Variants in MAGI1 observed in about 807,000 individuals in gnomAD.
MAGI1 encodes membrane associated guanylate kinase, WW and PDZ domain containing 1.
MAGI1 carries 58 observed loss-of-function variants against 139.9 expected under a neutral mutation model. The observed-to-expected ratio is 0.41, with a 90% CI of 0.34 to 0.52. MAGI1 has a LOEUF of 0.52. Among genes scored for constraint, MAGI1 ranks in the 20% least tolerant of loss-of-function variants. The pLI is 0.12. For synonymous variants in MAGI1, 812 were observed against 737.9 expected, an observed-to-expected ratio of 1.10 and a Z score of -1.63; for missense variants, 1,874 against 1,901.6, an observed-to-expected ratio of 0.99 and a Z score of 0.27.
chr3:65,801,143 G>A (rs1401998874), intron 1 of MAGI1, among the ~76,000 whole-genome samples: 2 of 152,126 alleles, frequency 1.3e-5, no homozygotes, highest in Non-Finnish European at 2.9e-5. Flanking sequence ...GGGCAACACA[G>A]ATCTAATGTT....
At chr3:65,768,392 C>A (rs1273830787) in intron 1 of MAGI1, among the ~76,000 whole-genome samples, 3 of 152,030 alleles carry the variant, frequency 2.0e-5, no homozygotes, top group Non-Finnish European at 4.4e-5. Flanking sequence ...TGGACTCCAA[C>A]CTACGTGACA....
intron 2 of MAGI1, among the ~76,000 whole-genome samples, chr3:65,573,951 A>G (rs947687046): frequency 1.3e-5 from 2 of 152,010 alleles, no homozygotes; most frequent in African/African-American, 4.8e-5. Context: ...TACCATGGGC[A>G]GTTGAGTAAT....
intron 1 of MAGI1, among the ~76,000 whole-genome samples, chr3:65,765,983 C>A (rs1454938613): frequency 6.6e-6 from 1 of 152,200 alleles, no homozygotes; most frequent in Non-Finnish European, 1.5e-5. Flanking sequence ...CAGCCTCGGT[C>A]CCATCTGTGG....
chr3:65,553,084 A>G (rs1169639403), intron 2 of MAGI1, among the ~76,000 whole-genome samples: 1 of 152,298 alleles, frequency 6.6e-6, no homozygotes, highest in South Asian at 2.1e-4. Flanking sequence ...AGATGCCTTA[A>G]TTATAACTTC....
intron 17 of MAGI1, among the ~76,000 whole-genome samples, chr3:65,379,001 A>G (rs1942809495): frequency 6.6e-6 from 1 of 152,142 alleles, no homozygotes; most frequent in South Asian, 2.1e-4. Context: ...ATTTCACGCA[A>G]ATCTGATGTA....
At chr3:65,391,802 G>A (rs891625201) in intron 13 of MAGI1, among the ~76,000 whole-genome samples, 6 of 152,028 alleles carry the variant, frequency 3.9e-5, no homozygotes, top group Admixed American at 3.9e-4. Context: ...TCCATGTCTT[G>A]TACCTTTTAA....
chr3:65,715,578 T>C (rs767667069), intron 1 of MAGI1, among the ~76,000 whole-genome samples: 1 of 152,084 alleles, frequency 6.6e-6, no homozygotes, highest in Non-Finnish European at 1.5e-5. Flanking sequence ...ACGTGCACAA[T>C]CCAGGGAAGG....
intron 9 of MAGI1, among the ~76,000 whole-genome samples, chr3:65,439,635 T>C (rs779436594): frequency 1.4e-4 from 22 of 152,196 alleles, no homozygotes; most frequent in Admixed American, 4.6e-4. Context: ...AGTTCTCTGA[T>C]CTAATGATGC....
intron 2 of MAGI1, among the ~76,000 whole-genome samples, chr3:65,509,957 G>C (rs979019043): frequency 6.6e-5 from 10 of 152,194 alleles, no homozygotes; most frequent in Admixed American, 3.9e-4. Context: ...AAGGAGATCT[G>C]AGAACCGGCA....
At chr3:65,737,324 AATGG>A (rs1309812857) in intron 1 of MAGI1, among the ~76,000 whole-genome samples, 6 of 152,228 alleles carry the variant, frequency 3.9e-5, no homozygotes, top group Admixed American at 3.9e-4. Context: ...TTTTAAAATG[AATGG>A]ATGGATGGAC....
At chr3:65,518,417 C>T (rs978506960) in intron 2 of MAGI1, among the ~76,000 whole-genome samples, 2 of 152,154 alleles carry the variant, frequency 1.3e-5, no homozygotes, top group African/African-American at 4.8e-5. Context: ...GCAGTAATTG[C>T]ATGATTTTTC....
intron 1 of MAGI1, among the ~76,000 whole-genome samples, chr3:66,004,728 T>C (rs899143053): frequency 6.6e-6 from 1 of 152,146 alleles, no homozygotes; most frequent in African/African-American, 2.4e-5. Flanking sequence ...GACAAACCAC[T>C]GATAGATGAA....
At chr3:65,925,208 C>A (rs1210922211) in intron 1 of MAGI1, 1 of 152,214 alleles carries the variant, frequency 6.6e-6, no homozygotes, top group Non-Finnish European at 1.5e-5. Flanking sequence ...CTGTTTAAGT[C>A]ACCTTTAGAT....
chr3:65,476,294 C>T (rs1341857220), intron 4 of MAGI1, among the ~76,000 whole-genome samples: 1 of 152,164 alleles, frequency 6.6e-6, no homozygotes, highest in African/African-American at 2.4e-5. Context: ...CTCAAGGCCA[C>T]TTTTTCCTCA....
At chr3:65,472,889 C>T (rs1385635817) in intron 4 of MAGI1, among the ~76,000 whole-genome samples, 5 of 152,118 alleles carry the variant, frequency 3.3e-5, no homozygotes, top group Non-Finnish European at 5.9e-5. Context: ...AAAAATAATG[C>T]AGTATGACAT....
At chr3:65,832,854 G>C (rs1575641592) in intron 1 of MAGI1, among the ~76,000 whole-genome samples, 3 of 152,200 alleles carry the variant, frequency 2.0e-5, no homozygotes, top group African/African-American at 7.2e-5. Context: ...TTCAAGTCTG[G>C]TTATTATTAC....
chr3:65,635,841 A>G (rs750883022), intron 1 of MAGI1, among the ~76,000 whole-genome samples: 4 of 152,248 alleles, frequency 2.6e-5, no homozygotes, highest in Admixed American at 6.5e-5. Flanking sequence ...TTCATGCAAC[A>G]GTTGGCTGGG....
At chr3:65,731,664 A>T (rs74680694) in intron 1 of MAGI1, among the ~76,000 whole-genome samples, 42 of 49,424 alleles carry the variant, frequency 8.5e-4, no homozygotes, top group African/African-American at 3.1e-3. Flanking sequence ...CAAAAAATTT[A>T]AAAAAAAAAA....
At chr3:65,514,215 A>G (rs1476500638) in intron 2 of MAGI1, among the ~76,000 whole-genome samples, 1 of 150,704 alleles carries the variant, frequency 6.6e-6, no homozygotes, top group Admixed American at 6.6e-5. Context: ...CTAGAAGAAA[A>G]CCTAGGCATT....
Sources: gnomAD v4.1 joint callset for allele counts (sites outside exome capture counted in the v4.1 genomes callset) on GRCh38, gnomAD v4.1.1 for gene constraint, MANE v1.5 for transcripts, NCBI Gene and HGNC (gene_info 2026-07-23, HGNC 2026-07-21) for gene names.